Variants in LAMA1 observed in about 807,000 individuals in gnomAD.
LAMA1 encodes laminin subunit alpha 1.
Under a neutral mutation model 348.7 loss-of-function variants are expected in LAMA1, and 219 were observed. That is an observed-to-expected ratio of 0.63 (90% CI 0.56 to 0.70). LAMA1 has a LOEUF of 0.70. Among genes scored for constraint, LAMA1 ranks in the 30% least tolerant of loss-of-function variants. The pLI, the probability that LAMA1 is intolerant of heterozygous loss-of-function variation, is 0.00. For synonymous variants in LAMA1, 1,487 were observed against 1,491.0 expected, an observed-to-expected ratio of 1.00 and a Z score of 0.06; for missense variants, 3,744 against 3,888.0, an observed-to-expected ratio of 0.96 and a Z score of 0.99.
chr18:7,037,560 C>G lies in LAMA1; in HGVS notation c.1737+18G>C. 1 of 1,613,738 alleles carries G rather than the reference C, an allele frequency of 6.2e-7. No homozygotes were observed. Among genetic ancestry groups the G allele is most frequent in the Non-Finnish European group, 8.5e-7 (1 of 1,179,858 alleles). ...AGATCTTCATCTGAGACATCGCTAC[C>G]TGCAGGGTCACACGCACCTTATTTC... On this transcript the variant is annotated intron_variant, in intron 12 of 62. Coordinates refer to ENST00000389658, the MANE Select transcript of LAMA1 (RefSeq NM_005559.4).
At position 6,975,918 on chromosome 18, in the gene LAMA1, C is replaced by G; in HGVS notation, c.6489+19G>C. The G allele has an allele frequency of 6.2e-7, 1 of 1,613,778 alleles. No individual in the cohort carries two copies. On this transcript the variant is annotated intron_variant, in intron 45 of 62. Transcript: ENST00000389658. ...TGCATAAAAGATTCAGTGTCGCTTT[C>G]CAAAGGTCCATAACTTACAGCGGTG...
At chr18:7,016,446 T>C in intron 21 of LAMA1, 45 bp downstream of exon 21, 1 of 1,608,642 alleles carries the variant, frequency 6.2e-7, no homozygotes, top group Non-Finnish European at 8.5e-7. Flanking sequence ...CAAGGAAAGC[T>C]CTGGGAATGA....
At chr18:7,021,081 C>T (rs73938542) in intron 19 of LAMA1, among the ~76,000 whole-genome samples, 6,214 of 152,228 alleles carry the variant, frequency 0.041, 431 homozygotes, top group African/African-American at 0.14. Context: ...GTGTCTACCT[C>T]GGGCAGGGCC....
At chr18:7,070,014 G>A (rs2058139396) in intron 3 of LAMA1, among the ~76,000 whole-genome samples, 1 of 152,170 alleles carries the variant, frequency 6.6e-6, no homozygotes, top group Non-Finnish European at 1.5e-5. Flanking sequence ...AGCTATGCAT[G>A]AGAAAATAAA....
At chr18:7,011,877 A>G in intron 24 of LAMA1, 118 bp downstream of exon 24, 1 of 1,254,096 alleles carries the variant, frequency 8.0e-7, no homozygotes, top group Non-Finnish European at 1.1e-6. Context: ...AGCTTCCTAG[A>G]ATTTTGGATG....
At chr18:7,055,803 T>C (rs111902601) in intron 3 of LAMA1, among the ~76,000 whole-genome samples, 2,083 of 152,160 alleles carry the variant, frequency 0.014, 60 homozygotes, top group African/African-American at 0.048. Flanking sequence ...AAATAAGGCC[T>C]GGGCGTGGTG....
At chr18:6,974,788 T>C in intron 46 of LAMA1, 115 bp downstream of exon 46, 1 of 1,368,754 alleles carries the variant, frequency 7.3e-7, no homozygotes, top group Non-Finnish European at 1.0e-6. Flanking sequence ...ATTGTTTGGT[T>C]ATAATCTGAC....
chr18:7,104,266 C>T (rs754592441), intron 1 of LAMA1, among the ~76,000 whole-genome samples: 3 of 152,282 alleles, frequency 2.0e-5, no homozygotes, highest in Non-Finnish European at 4.4e-5. Flanking sequence ...CGTGAGCCAC[C>T]GCGTCCAGCC....
chr18:6,973,177 CT>C lies in LAMA1; in HGVS notation c.6653del (p.Lys2218ArgfsTer3). 3.1e-6 allele frequency: 5 copies of C among 1,614,140 alleles called. No homozygotes were observed. The highest frequency in any genetic ancestry group is 4.2e-6 in the Non-Finnish European group (5 of 1,180,006). On this transcript the variant is annotated frameshift_variant, in exon 47 of 63. Transcript: ENST00000389658. LOFTEE classifies it high-confidence loss of function. The stretch of plus-strand genomic sequence containing the variant: ...GTGACTTTTGATTTGAGCTCATTTC[CT>C]TTACACTCAGTGAACCAATGTTTCC... ...RFGNIGSLSV[K>X]EMSSNQKSPT...
chr18:6,956,403 TGC>T, intron 56 of LAMA1: 1 of 686,798 alleles, frequency 1.5e-6, no homozygotes, highest in Non-Finnish European at 2.7e-6. Flanking sequence ...ATCAGCCCAA[TGC>T]GCGGCCTGGG....
intron 3 of LAMA1, among the ~76,000 whole-genome samples, chr18:7,075,007 C>T (rs1314316000): frequency 1.0e-5 from 1 of 95,762 alleles, no homozygotes; most frequent in Non-Finnish European, 2.1e-5. Context: ...AAAAAAAATG[C>T]TGTAATTCTG....
rs184050130 is a variant in LAMA1 at position 7,085,532 on chromosome 18, T to C, written c.62-5075A>G. Among the ~76,000 whole-genome samples the C allele has an allele frequency of 4.0e-3, 600 of 151,158 alleles. 3 individuals carry two copies. The highest frequency in any genetic ancestry group is 6.4e-3 in the Non-Finnish European group (432 of 67,802). On this transcript the variant is annotated intron_variant, in intron 1 of 62. Transcript: ENST00000389658. ...CTCCCGGGTTCATGCCATTCTCCTG[T>C]CTCAGCCTCCAGAGTAGCTGGGACT...
At chr18:6,984,003 T>A (rs2057723411) in intron 39 of LAMA1, among the ~76,000 whole-genome samples, 1 of 78,712 alleles carries the variant, frequency 1.3e-5, no homozygotes, top group South Asian at 4.8e-4. Flanking sequence ...TTATTTAACT[T>A]TGTGTTAAAT....
intron 15 of LAMA1, 33 bp downstream of exon 15, chr18:7,032,950 CG>C: frequency 1.3e-6 from 2 of 1,500,142 alleles, no homozygotes; most frequent in Non-Finnish European, 1.8e-6. Flanking sequence ...TAGGAAGGAA[CG>C]AAAGGAAAAA....
At chr18:6,965,560 A>G (rs1265426337) in intron 49 of LAMA1, 128 bp from the exon 50 acceptor site, 1 of 1,089,110 alleles carries the variant, frequency 9.2e-7, no homozygotes, top group Non-Finnish European at 1.4e-6. Flanking sequence ...CCACAGCCAG[A>G]GGTCTATCGG....
rs897558801 is a variant in LAMA1 at position 7,033,164 on chromosome 18, G to A, written c.2052-69C>T. ...ACATCTCACATCTCAATGAAGATGG[G>A]CTCCTAAAAGATTTAAATCCGGCCG... On this transcript the variant is annotated intron_variant, in intron 14 of 62. Transcript: ENST00000389658. 17 of 1,139,460 alleles carry A rather than the reference G, an allele frequency of 1.5e-5. No individual in the cohort carries two copies. The African/African-American group carries it at 3.1e-4, about 20-fold the overall frequency. The allele number at this position is 1,139,460 out of a possible 1,614,324, so 70.6% of individuals were successfully genotyped here.
chr18:7,031,972 C>T (rs566804493), intron 16 of LAMA1, 94 bp downstream of exon 16: 14 of 894,874 alleles, frequency 1.6e-5, no homozygotes, highest in East Asian at 1.0e-4. Flanking sequence ...AGGGTTATTC[C>T]GTGGAGGAAG....
intron 1 of LAMA1, among the ~76,000 whole-genome samples, chr18:7,105,774 C>A (rs1286595388): frequency 6.6e-6 from 1 of 152,222 alleles, no homozygotes; most frequent in Non-Finnish European, 1.5e-5. Flanking sequence ...ACACCCAATT[C>A]TGCAACACCA....
At chr18:7,043,711 A>G (rs796191050) in intron 7 of LAMA1, among the ~76,000 whole-genome samples, 3 of 152,346 alleles carry the variant, frequency 2.0e-5, no homozygotes, top group African/African-American at 4.8e-5. Context: ...TGTGTGGACA[A>G]CAGACTAATA....
Sources: gnomAD v4.1 joint callset for allele counts (sites outside exome capture counted in the v4.1 genomes callset) on GRCh38, gnomAD v4.1.1 for gene constraint, MANE v1.5 for transcripts, NCBI Gene and HGNC (gene_info 2026-07-23, HGNC 2026-07-21) for gene names.